The following LRP1B variants were observed in gnomAD, a reference collection of about 807,000 sequenced individuals.
The protein encoded by LRP1B is low-density lipoprotein receptor-related protein 1B.
Under a neutral mutation model 556.6 loss-of-function variants are expected in LRP1B, and 217 were observed. The ratio of observed to expected loss-of-function variants is 0.39; its 90% CI spans 0.35 to 0.44. The LOEUF is 0.44. LRP1B is among the 20% of genes least tolerant of loss of function. LRP1B has a pLI of 1.00. For synonymous variants in LRP1B, 2,047 were observed against 1,865.8 expected (o/e 1.10, Z -2.50); for missense variants, 5,053 against 5,620.8 (o/e 0.90, Z 3.23).
intron 27 of LRP1B, among the ~76,000 whole-genome samples, 198 bp from the exon 28 acceptor site, chr2:140,851,981 A>G (rs899381811): frequency 1.1e-4 from 17 of 152,154 alleles, no homozygotes; most frequent in Non-Finnish European, 2.4e-4. Context: ...TTTCAAAGAT[A>G]ACTAAGAAAA....
chr2:140,748,107 ATATATATATATATATATATATATATATAT>A (rs1457247811), intron 35 of LRP1B, among the ~76,000 whole-genome samples: 32 of 90,608 alleles, frequency 3.5e-4, no homozygotes, highest in African/African-American at 1.4e-3. Flanking sequence ...ATATATATAT[ATATATATATATATATATATATATATATAT>A]AATTCATATA....
chr2:141,159,295 G>A (rs1379354330), intron 7 of LRP1B, among the ~76,000 whole-genome samples: 1 of 152,170 alleles, frequency 6.6e-6, no homozygotes, highest in Non-Finnish European at 1.5e-5. Context: ...GAGGAGGAAA[G>A]AATTGGAAGG....
At chr2:141,128,154 T>C (rs1701262911) in intron 7 of LRP1B, among the ~76,000 whole-genome samples, 1 of 152,144 alleles carries the variant, frequency 6.6e-6, no homozygotes, top group Non-Finnish European at 1.5e-5. Flanking sequence ...GGCCTTCATT[T>C]GAATAATTTT....
At chr2:141,485,378 T>C (rs1367831611) in intron 2 of LRP1B, among the ~76,000 whole-genome samples, 1 of 152,172 alleles carries the variant, frequency 6.6e-6, no homozygotes, top group Non-Finnish European at 1.5e-5. Flanking sequence ...ATAATATTTT[T>C]AGAGGTGGCC....
At chr2:141,862,342 C>G (rs910629892) in intron 1 of LRP1B, among the ~76,000 whole-genome samples, 1 of 152,148 alleles carries the variant, frequency 6.6e-6, no homozygotes, top group Non-Finnish European at 1.5e-5. Context: ...TTTTCTCATT[C>G]TTCTACAACA....
chr2:140,726,987 T>A (rs1208747152), intron 35 of LRP1B, among the ~76,000 whole-genome samples: 1 of 152,120 alleles, frequency 6.6e-6, no homozygotes, highest in Non-Finnish European at 1.5e-5. Context: ...TCACACACTC[T>A]AGAGAATGGC....
chr2:141,871,222 C>A lies in LRP1B; in HGVS notation c.83-60821G>T, dbSNP rs139480182. 5.3e-5 allele frequency among the ~76,000 whole-genome samples: 8 copies of A among 152,072 alleles called. No individual in the cohort carries two copies. In the East Asian group the frequency reaches 1.5e-3, roughly 29 times the overall value. On this transcript the variant is annotated intron_variant, in intron 1 of 90. Transcript: ENST00000389484. ...TGATTAGCTTCTTGCACTGTTCACT[C>A]CTGTTCCATGTGTTTCAATTTTGAC...
chr2:141,484,923 T>C (rs1353867955), intron 2 of LRP1B, among the ~76,000 whole-genome samples: 1 of 152,120 alleles, frequency 6.6e-6, no homozygotes, highest in Non-Finnish European at 1.5e-5. Context: ...AAGTGATTCA[T>C]GTGTTGGCTC....
At chr2:141,898,286 A>G (rs1699514926) in intron 1 of LRP1B, among the ~76,000 whole-genome samples, 1 of 152,078 alleles carries the variant, frequency 6.6e-6, no homozygotes, top group Admixed American at 6.6e-5. Context: ...CTCAGGCACT[A>G]TTCCTCCTCT....
intron 87 of LRP1B, among the ~76,000 whole-genome samples, chr2:140,243,446 A>G (rs1005733499): frequency 4.0e-5 from 6 of 151,216 alleles, no homozygotes; most frequent in Non-Finnish European, 7.4e-5. Context: ...TACTGATCAA[A>G]TTTTCAATAG....
Position 140,840,920 on chromosome 2 carries a change from C to T in LRP1B, c.5112G>A (p.Arg1704=), listed in dbSNP as rs2105097216. ...TTAAAAAAAAAATCATACTTTACCC[C>T]CTGACTGGGTGAGCTGCAAGACACT... ...KPQCLAAHPV[R]GKLYWTDGNT... is the part of the protein sequence containing the mutation. Residue 1704 remains arginine, a splice_region_variant and synonymous_variant, in exon 30 of 91, where the codon AGG becomes AGA. Transcript: ENST00000389484. The T allele has an allele frequency of 6.3e-7, 1 of 1,598,372 alleles. No individual in the cohort carries two copies. The highest frequency in any genetic ancestry group is 8.5e-7 in the Non-Finnish European group (1 of 1,173,146).
chr2:141,370,901 T>C (rs572834985), intron 3 of LRP1B, among the ~76,000 whole-genome samples: 102 of 152,320 alleles, frequency 6.7e-4, no homozygotes, highest in Admixed American at 1.0e-3. Context: ...TTGAAAACTG[T>C]ATCCTTTCCT....
chr2:141,541,589 G>A (rs1685262316), intron 2 of LRP1B, among the ~76,000 whole-genome samples: 1 of 152,116 alleles, frequency 6.6e-6, no homozygotes, highest in African/African-American at 2.4e-5. Flanking sequence ...AATCCTTATA[G>A]CTCAATTTTA....
chr2:141,147,825 T>A (rs1701823694), intron 7 of LRP1B, among the ~76,000 whole-genome samples: 1 of 152,244 alleles, frequency 6.6e-6, no homozygotes, highest in Non-Finnish European at 1.5e-5. Flanking sequence ...TACACAACAG[T>A]GGTCCCATAA....
At chr2:140,262,211 A>C (rs983234619) in intron 86 of LRP1B, among the ~76,000 whole-genome samples, 1 of 152,170 alleles carries the variant, frequency 6.6e-6, no homozygotes, top group African/African-American at 2.4e-5. Flanking sequence ...GGGAAACTCC[A>C]ACAAGTTACC....
intron 62 of LRP1B, among the ~76,000 whole-genome samples, chr2:140,454,063 T>C (rs1182830978): frequency 2.0e-5 from 3 of 152,176 alleles, no homozygotes; most frequent in African/African-American, 7.2e-5. Flanking sequence ...AGAGGTAAAA[T>C]GGCCTCATAA....
At chr2:141,084,171 G>A (rs971097822) in intron 7 of LRP1B, among the ~76,000 whole-genome samples, 1 of 152,142 alleles carries the variant, frequency 6.6e-6, no homozygotes, top group Non-Finnish European at 1.5e-5. Flanking sequence ...ATTATTAAAA[G>A]CTGGAAAATT....
chr2:141,991,215 C>T (rs117691706), intron 1 of LRP1B, among the ~76,000 whole-genome samples: 4 of 152,098 alleles, frequency 2.6e-5, no homozygotes, highest in East Asian at 3.9e-4. Flanking sequence ...GTAACACAAA[C>T]ATTTGTTCTC....
At chr2:141,819,637 A>G (rs981162169) in intron 1 of LRP1B, among the ~76,000 whole-genome samples, 1 of 152,182 alleles carries the variant, frequency 6.6e-6, no homozygotes, top group African/African-American at 2.4e-5. Context: ...TTGTTATAGG[A>G]TACAAAATAA....
Sources: allele counts gnomAD v4.1 joint callset (sites outside exome capture counted in the v4.1 genomes callset), GRCh38; gene constraint gnomAD v4.1.1; transcripts MANE v1.5; gene names NCBI Gene and HGNC (gene_info 2026-07-23, HGNC 2026-07-21).